TIAM2: variants seen among roughly 807,000 people sequenced by gnomAD.
TIAM2 encodes rho guanine nucleotide exchange factor TIAM2.
A neutral mutation model predicts 152.9 loss-of-function variants in TIAM2; 80 were observed. That is an observed-to-expected ratio of 0.52 (90% confidence interval 0.44 to 0.63). The LOEUF (loss-of-function observed/expected upper bound fraction) is 0.63, where lower values mean the gene tolerates loss of function less well. Ranked by LOEUF, TIAM2 falls within the 30% of genes least tolerant of loss-of-function variation. The pLI, the probability that TIAM2 is intolerant of heterozygous loss-of-function variation, is 0.00. For synonymous variants in TIAM2, 804 were observed against 838.0 expected (o/e 0.96, Z 0.70); for missense variants, 1,965 against 2,120.1 (o/e 0.93, Z 1.44).
Position 155,076,983 on chromosome 6 carries a change from A to G in TIAM2, c.-208-13306A>G, listed in dbSNP as rs548378549. ...AGTGCTGGGATTACAGGCATGAGCC[A>G]TAGCACCCGGTCGAAATTCATATCC... is the stretch of plus-strand genomic sequence containing the variant. On this transcript the variant is annotated intron_variant, in intron 1 of 26. Transcript: ENST00000682666. Among the ~76,000 whole-genome samples the G allele has an allele frequency of 2.6e-5, 4 of 152,372 alleles. No homozygotes were observed. In the East Asian group the frequency reaches 7.7e-4, roughly 29 times the overall value.
chr6:155,172,686 A>T (rs7770396), intron 9 of TIAM2, among the ~76,000 whole-genome samples: 2,129 of 18,906 alleles, frequency 0.11, 138 homozygotes, highest in Middle Eastern at 0.3. Flanking sequence ...ATATATATAT[A>T]TTTTTTTTTT....
chr6:155,245,755 G>GGTTT, intron 19 of TIAM2, 24 bp downstream of exon 19: 2 of 1,022,126 alleles, frequency 2.0e-6, no homozygotes, highest in Non-Finnish European at 2.8e-6. Context: ...GCCTTTTATA[G>GGTTT]TTTTTTTTTT....
chr6:155,111,502 C>T (rs957722975), intron 2 of TIAM2, among the ~76,000 whole-genome samples: 1 of 152,132 alleles, frequency 6.6e-6, no homozygotes, highest in African/African-American at 2.4e-5. Flanking sequence ...ATAGAAATTA[C>T]AAGACAACAC....
At chr6:155,077,678 C>T (rs1253362453) in intron 1 of TIAM2, among the ~76,000 whole-genome samples, 2 of 152,180 alleles carry the variant, frequency 1.3e-5, no homozygotes, top group Non-Finnish European at 2.9e-5. Flanking sequence ...ATTTAACTTT[C>T]TTAACTTGTC....
At chr6:155,004,552 G>A (rs1370345897) in intron 1 of TIAM2, among the ~76,000 whole-genome samples, 2 of 152,004 alleles carry the variant, frequency 1.3e-5, no homozygotes, top group African/African-American at 4.8e-5. Context: ...CCGCCACTAC[G>A]CCCAGCTCAT....
At chr6:155,221,834 C>G (rs973419567) in intron 15 of TIAM2, among the ~76,000 whole-genome samples, 1 of 152,090 alleles carries the variant, frequency 6.6e-6, no homozygotes, top group East Asian at 1.9e-4. Flanking sequence ...GCTATGGAGA[C>G]CTTGATATAA....
At chr6:155,019,644 G>C (rs1000558868) in intron 1 of TIAM2, among the ~76,000 whole-genome samples, 1 of 152,314 alleles carries the variant, frequency 6.6e-6, no homozygotes, top group East Asian at 1.9e-4. Flanking sequence ...ACTGATAGTT[G>C]GTTGGCCTGA....
chr6:155,107,883 G>A (rs1778736891), intron 2 of TIAM2, among the ~76,000 whole-genome samples: 1 of 152,164 alleles, frequency 6.6e-6, no homozygotes, highest in South Asian at 2.1e-4. Flanking sequence ...ATCAGCAGGG[G>A]CCGAGGAGCC....
intron 7 of TIAM2, among the ~76,000 whole-genome samples, chr6:155,164,079 C>T (rs533069328): frequency 1.5e-4 from 23 of 150,356 alleles, no homozygotes; most frequent in African/African-American, 5.6e-4. Flanking sequence ...CCTGCCTCAG[C>T]CTCCAGAGTA....
intron 2 of TIAM2, among the ~76,000 whole-genome samples, chr6:155,101,347 C>T (rs1045867195): frequency 6.6e-6 from 1 of 152,164 alleles, no homozygotes; most frequent in Non-Finnish European, 1.5e-5. Flanking sequence ...GCTTTTTCAT[C>T]AGAAACAGTG....
At chr6:155,228,531 T>C (rs539764556) in intron 15 of TIAM2, among the ~76,000 whole-genome samples, 1 of 152,262 alleles carries the variant, frequency 6.6e-6, no homozygotes, top group African/African-American at 2.4e-5. Flanking sequence ...AGCAAAGCCA[T>C]ATCTTTCTTT....
chr6:155,071,486 CAA>C (rs1367579471), intron 1 of TIAM2, among the ~76,000 whole-genome samples: 1 of 152,216 alleles, frequency 6.6e-6, no homozygotes, highest in Non-Finnish European at 1.5e-5. Flanking sequence ...CAGAGCTGAG[CAA>C]AGACTCATTG....
intron 1 of TIAM2, among the ~76,000 whole-genome samples, chr6:155,070,275 C>T (rs1381963592): frequency 8.6e-6 from 1 of 115,736 alleles, no homozygotes; most frequent in African/African-American, 3.4e-5. Flanking sequence ...GGCTGGAGTA[C>T]AGTGGGGCGA....
chr6:155,087,610 G>A lies in TIAM2; in HGVS notation c.-208-2679G>A, dbSNP rs555443904. On this transcript the variant is annotated intron_variant, in intron 1 of 26. Transcript: ENST00000682666. ...CTACAAATACAAAAATTAGCCAGGC[G>A]TGGTGGTGGGTGCCTGTAATTCCAG... Among the ~76,000 whole-genome samples the A allele has an allele frequency of 8.0e-4, 121 of 152,096 alleles. 2 individuals are homozygous for A. The highest frequency in any genetic ancestry group is 2.7e-3 in the South Asian group (13 of 4,814).
At chr6:155,099,941 T>G (rs1778517385) in intron 2 of TIAM2, among the ~76,000 whole-genome samples, 1 of 152,260 alleles carries the variant, frequency 6.6e-6, no homozygotes, top group South Asian at 2.1e-4. Context: ...CTGTAGGCAG[T>G]TGTAACACAA....
Position 155,240,698 on chromosome 6 carries a change from TCCTAC to T in TIAM2, c.3338_3342del (p.Ser1113CysfsTer9). ...CCAGGAGCTTGTGGACACAGAGAAG[TCCTAC>T]GTGAAGGTAAGGGAAGAGCTGGCAT... On this transcript the variant is annotated frameshift_variant, in exon 16 of 27. Transcript: ENST00000682666. LOFTEE classifies it high-confidence loss of function. 7.4e-6 allele frequency: 12 copies of T among 1,611,776 alleles called. No individual in the cohort carries two copies. The highest frequency in any genetic ancestry group is 1.3e-5 in the African/African-American group (1 of 75,036).
intron 21 of TIAM2, chr6:155,250,673 C>G (rs1583288672): frequency 3.3e-6 from 5 of 1,497,164 alleles, no homozygotes; most frequent in South Asian, 1.2e-5. Flanking sequence ...CATGTCTCAC[C>G]TACATGTGCG....
At chr6:155,076,899 T>C (rs553866997) in intron 1 of TIAM2, among the ~76,000 whole-genome samples, 39 of 152,366 alleles carry the variant, frequency 2.6e-4, no homozygotes, top group African/African-American at 8.9e-4. Flanking sequence ...TTCTGCCATG[T>C]TGTCCAGGCT....
At chr6:155,178,963 T>C (rs891556466) in intron 10 of TIAM2, 76 bp from the exon 11 acceptor site, 5 of 1,211,644 alleles carry the variant, frequency 4.1e-6, no homozygotes, top group African/African-American at 1.5e-5. Context: ...CTACTTTGAT[T>C]TTTAATAAGC....
Sources: gnomAD v4.1 joint callset for allele counts (sites outside exome capture counted in the v4.1 genomes callset) on GRCh38, gnomAD v4.1.1 for gene constraint, MANE v1.5 for transcripts, NCBI Gene and HGNC (gene_info 2026-07-23, HGNC 2026-07-21) for gene names.